WDR37: variants seen among roughly 807,000 people sequenced by gnomAD.
WDR37 encodes WD repeat-containing protein 37.
WDR37 carries 19 observed loss-of-function variants against 62.9 expected under a neutral mutation model. The observed-to-expected ratio is 0.30, with a 90% CI of 0.21 to 0.44. The LOEUF is 0.44. Among genes scored for constraint, WDR37 ranks in the 20% least tolerant of loss-of-function variants. WDR37 has a pLI of 1.00. For missense variants in WDR37, 474 were observed against 657.6 expected, an observed-to-expected ratio of 0.72 and a Z score of 3.05; for synonymous variants, 250 against 260.9, an observed-to-expected ratio of 0.96 and a Z score of 0.40.
Position 1,087,602 on chromosome 10 carries a change from A to T in WDR37, c.604+1245A>T, listed in dbSNP as rs117911693. Among the ~76,000 whole-genome samples the T allele has an allele frequency of 2.9e-3, 444 of 152,290 alleles. 1 individual carries two copies. The highest frequency in any genetic ancestry group is 5.1e-3 in the Non-Finnish European group (347 of 68,026). On this transcript the variant is annotated intron_variant, in intron 7 of 13. Transcript: ENST00000263150. ...TTGTCAATGAGCCAGTTGTATTATG[A>T]TAGGTGTAGGTCTTAATGGTAGGCT...
intron 13 of WDR37, among the ~76,000 whole-genome samples, chr10:1,126,626 C>CTGT (rs1337103430): frequency 1.3e-5 from 2 of 152,210 alleles, no homozygotes; most frequent in Non-Finnish European, 2.9e-5. Context: ...CTCAGTGCCT[C>CTGT]TGTGGCTCCT....
At chr10:1,100,218 G>A (rs1834745762) in intron 9 of WDR37, among the ~76,000 whole-genome samples, 1 of 152,174 alleles carries the variant, frequency 6.6e-6, no homozygotes, top group South Asian at 2.1e-4. Flanking sequence ...AAGATTTGGG[G>A]CTGGTGTTGG....
chr10:1,098,728 G>A (rs543155706), intron 9 of WDR37, among the ~76,000 whole-genome samples: 3 of 152,324 alleles, frequency 2.0e-5, no homozygotes, highest in Non-Finnish European at 2.9e-5. Context: ...TGGTTGACAC[G>A]TTGGTCATGG....
Position 1,130,017 on chromosome 10 carries a change from A to G in WDR37, c.*673A>G, listed in dbSNP as rs1220394945. 9 of 152,638 alleles carry G rather than the reference A, an allele frequency of 5.9e-5. No individual in the cohort carries two copies. The highest frequency in any genetic ancestry group is 5.9e-4 in the Admixed American group (9 of 15,284). The allele number at this position is 152,638 out of a possible 1,614,324, so 9.5% of individuals were successfully genotyped here. ...AGTCTCCCGAGGTCTCATGCTAGCAAATTTTGAAATAGGATTCTAATCACT... is the reference window on the plus strand; with the variant it reads ...AGTCTCCCGAGGTCTCATGCTAGCAGATTTTGAAATAGGATTCTAATCACT... On this transcript the variant is annotated 3_prime_UTR_variant, in exon 14 of 14. Coordinates refer to ENST00000263150, the MANE Select transcript of WDR37 (RefSeq NM_014023.4).
intron 13 of WDR37, among the ~76,000 whole-genome samples, chr10:1,126,096 C>T (rs369018227): frequency 1.8e-4 from 28 of 152,250 alleles, no homozygotes; most frequent in South Asian, 6.2e-4. Context: ...GGGTCAGCTG[C>T]GATGCACAGA....
intron 5 of WDR37, among the ~76,000 whole-genome samples, chr10:1,083,836 C>T (rs1363496137): frequency 6.6e-6 from 1 of 152,230 alleles, no homozygotes; most frequent in Non-Finnish European, 1.5e-5. Flanking sequence ...TCTGAGCGAG[C>T]GCCAAGTCTC....
intron 2 of WDR37, among the ~76,000 whole-genome samples, chr10:1,074,862 CG>C (rs1259082845): frequency 7.9e-5 from 12 of 152,254 alleles, no homozygotes; most frequent in African/African-American, 2.7e-4. Flanking sequence ...TTCGCGCAGG[CG>C]CAGGAGGTCT....
rs778173688 is a variant in WDR37, at chr10:1,121,614, A to T, written c.1104-2604A>T. Among the ~76,000 whole-genome samples, 1 of 152,016 alleles carries T rather than the reference A, an allele frequency of 6.6e-6. No homozygotes were observed. The highest frequency in any genetic ancestry group is 1.5e-5 in the Non-Finnish European group (1 of 68,000). On this transcript the variant is annotated intron_variant, in intron 11 of 13. Coordinates refer to ENST00000263150, the MANE Select transcript of WDR37 (RefSeq NM_014023.4). The surrounding 1 kb of genome is among the most constrained non-coding windows in gnomAD (Gnocchi z 4.5). Reference sequence around the variant, plus strand: ...TGCCCCGTGTGATGCCGTGGTTTCCAGTTGGGCAGTTTCCCCCCAGGAGAC... The same window carrying T: ...TGCCCCGTGTGATGCCGTGGTTTCCTGTTGGGCAGTTTCCCCCCAGGAGAC...
rs555930396 is a variant in WDR37, at chr10:1,080,216, C to T, written c.331+110C>T. On this transcript the variant is annotated intron_variant, in intron 4 of 13. Transcript: ENST00000263150. ...CGTTTTGCTGTCAGCAGACCTCGAACTATCTAATTCAGGTGTGGGTCTAGG... is the reference window on the plus strand; with the variant it reads ...CGTTTTGCTGTCAGCAGACCTCGAATTATCTAATTCAGGTGTGGGTCTAGG... The T allele has an allele frequency of 5.3e-6, 7 of 1,325,810 alleles. No individual in the cohort carries two copies. The African/African-American group carries it at 1.0e-4, about 19-fold the overall frequency. 82.1% of individuals were successfully genotyped at this position (1,325,810 alleles called of 1,614,324 possible).
chr10:1,081,880 G>T (rs1326619706), intron 5 of WDR37, among the ~76,000 whole-genome samples: 1 of 152,134 alleles, frequency 6.6e-6, no homozygotes, highest in Admixed American at 6.5e-5. Context: ...AGTAGAGGAA[G>T]AAATGATTAT....
intron 9 of WDR37, among the ~76,000 whole-genome samples, chr10:1,101,877 C>G (rs1351433201): frequency 1.3e-5 from 2 of 152,240 alleles, no homozygotes; most frequent in Non-Finnish European, 2.9e-5. Context: ...CCAGCTGCCC[C>G]TTGTCCTGTT....
At chr10:1,073,390 C>T (rs751285471) in intron 2 of WDR37, among the ~76,000 whole-genome samples, 22 of 152,190 alleles carry the variant, frequency 1.4e-4, no homozygotes, top group Non-Finnish European at 2.5e-4. Flanking sequence ...GGGACCTCTA[C>T]ACTGAATACA....
At chr10:1,123,396 T>C (rs1051145613) in intron 11 of WDR37, among the ~76,000 whole-genome samples, 1 of 152,252 alleles carries the variant, frequency 6.6e-6, no homozygotes, top group South Asian at 2.1e-4. Flanking sequence ...ATGGAAACTC[T>C]GCACTTGTGA....
intron 1 of WDR37, among the ~76,000 whole-genome samples, chr10:1,067,429 AATT>A (rs1026226578): frequency 2.0e-5 from 3 of 152,228 alleles, no homozygotes; most frequent in African/African-American, 7.2e-5. Context: ...GCATAGAAAA[AATT>A]ATCAACATTA....
At chr10:1,100,260 G>A (rs999918946) in intron 9 of WDR37, among the ~76,000 whole-genome samples, 4 of 150,182 alleles carry the variant, frequency 2.7e-5, no homozygotes, top group Non-Finnish European at 5.9e-5. Flanking sequence ...CCTCTGTGAT[G>A]TGCTGTGACT....
At chr10:1,058,632 C>G (rs147140013) in intron 1 of WDR37, among the ~76,000 whole-genome samples, 19 of 152,314 alleles carry the variant, frequency 1.2e-4, no homozygotes, top group Non-Finnish European at 2.2e-4. Context: ...TGATTGTCAT[C>G]CACAGAATTG....
intron 7 of WDR37, among the ~76,000 whole-genome samples, chr10:1,092,636 G>A (rs575533964): frequency 6.6e-6 from 1 of 151,852 alleles, no homozygotes; most frequent in Admixed American, 6.6e-5. Context: ...GGTATTACAG[G>A]CGTGAGCCAG....
At chr10:1,067,940 A>T (rs1192629847) in intron 1 of WDR37, among the ~76,000 whole-genome samples, 3 of 152,204 alleles carry the variant, frequency 2.0e-5, no homozygotes, top group Non-Finnish European at 2.9e-5. Context: ...ATGGAACCAG[A>T]GGCCATTATT....
At chr10:1,124,580 G>T (rs140551629) in intron 12 of WDR37, among the ~76,000 whole-genome samples, 14 of 152,196 alleles carry the variant, frequency 9.2e-5, no homozygotes, top group African/African-American at 2.9e-4. Flanking sequence ...CCCGTTTGTG[G>T]CAGACATGCA....
Sources: gnomAD v4.1 joint callset for allele counts (sites outside exome capture counted in the v4.1 genomes callset) on GRCh38, gnomAD v4.1.1 for gene constraint, Gnocchi (gnomAD v3.1) non-coding constraint, MANE v1.5 for transcripts, NCBI Gene and HGNC (gene_info 2026-07-23, HGNC 2026-07-21) for gene names.